The following PPFIA2 variants were observed in gnomAD, a reference collection of about 807,000 sequenced individuals.
PPFIA2 encodes liprin-alpha-2.
In PPFIA2, 46 loss-of-function variants were observed where a neutral mutation model predicts 175.5. That is an observed-to-expected ratio of 0.26 (90% confidence interval 0.21 to 0.34). The LOEUF (loss-of-function observed/expected upper bound fraction) is 0.34. Ranked by LOEUF, PPFIA2 falls within the 10% of genes least tolerant of loss-of-function variation. The pLI is 1.00. For synonymous variants in PPFIA2, 568 were observed against 511.4 expected, an observed-to-expected ratio of 1.11 and a Z score of -1.49; for missense variants, 1,179 against 1,506.1, an observed-to-expected ratio of 0.78 and a Z score of 3.60.
intron 4 of PPFIA2, among the ~76,000 whole-genome samples, chr12:81,567,053 T>C (rs1163332348): frequency 1.3e-5 from 2 of 152,224 alleles, no homozygotes; most frequent in Non-Finnish European, 1.5e-5. Context: ...TGGGAGAAAC[T>C]TTCTTTTTCT....
At position 81,627,327 on chromosome 12, in the gene PPFIA2, G is replaced by A. The variant is rs188079018; in HGVS notation, c.303+49464C>T. 4.1e-3 allele frequency among the ~76,000 whole-genome samples: 621 copies of A among 152,082 alleles called. 3 individuals are homozygous for A. Among genetic ancestry groups the A allele is most frequent in the African/African-American group, 0.014 (581 of 41,512 alleles). The stretch of plus-strand genomic sequence containing the variant: ...ACACAAATAAATGATAAATGTTTGA[G>A]GTTATGGATTTCCCAGTTAGCCTGA... On this transcript the variant is annotated intron_variant, in intron 4 of 32. Coordinates refer to ENST00000549396, the MANE Select transcript of PPFIA2 (RefSeq NM_003625.5).
intron 8 of PPFIA2, among the ~76,000 whole-genome samples, chr12:81,386,443 G>C (rs1326845927): frequency 2.6e-5 from 4 of 151,614 alleles, no homozygotes; most frequent in African/African-American, 9.7e-5. Context: ...GGGCAACATG[G>C]GGAGACTCCA....
At chr12:81,530,932 T>C (rs891742136) in intron 4 of PPFIA2, among the ~76,000 whole-genome samples, 1 of 151,952 alleles carries the variant, frequency 6.6e-6, no homozygotes, top group South Asian at 2.1e-4. Flanking sequence ...ACTATGTTTG[T>C]ATGCAGTATT....
chr12:81,294,657 G>A (rs553151503), intron 24 of PPFIA2, 178 bp downstream of exon 24: 22 of 634,968 alleles, frequency 3.5e-5, no homozygotes, highest in African/African-American at 3.1e-4. Context: ...ATGAATCATA[G>A]TTCCTCATTT....
At chr12:81,755,115 A>G (rs1482892971) in intron 2 of PPFIA2, among the ~76,000 whole-genome samples, 3 of 152,216 alleles carry the variant, frequency 2.0e-5, no homozygotes. Flanking sequence ...TAGCTAATGT[A>G]GTAACTTCAC....
At position 81,578,367 on chromosome 12, in the gene PPFIA2, C is replaced by T. The variant is rs911092036; in HGVS notation, c.303+98424G>A. On this transcript the variant is annotated intron_variant, in intron 4 of 32. Transcript: ENST00000549396. The stretch of plus-strand genomic sequence containing the variant: ...CAACCAAATTAGGTATTATTATTAT[C>T]ATCATCATCACCATCACCATAATGA... Among the ~76,000 whole-genome samples, 8 of 151,746 alleles carry T rather than the reference C, an allele frequency of 5.3e-5. No individual in the cohort carries two copies. The South Asian group carries it at 8.3e-4, about 16-fold the overall frequency.
intron 4 of PPFIA2, among the ~76,000 whole-genome samples, chr12:81,596,211 T>A (rs1328968772): frequency 6.6e-6 from 1 of 151,774 alleles, no homozygotes; most frequent in Non-Finnish European, 1.5e-5. Flanking sequence ...ATCATTTAAT[T>A]CTTTCTTTTG....
chr12:81,532,580 T>A (rs533282992), intron 4 of PPFIA2, among the ~76,000 whole-genome samples: 68 of 151,946 alleles, frequency 4.5e-4, no homozygotes, highest in Non-Finnish European at 8.6e-4. Context: ...GATAAAATAC[T>A]ATACAGTTAG....
At chr12:81,565,278 A>G (rs528597946) in intron 4 of PPFIA2, among the ~76,000 whole-genome samples, 14 of 152,148 alleles carry the variant, frequency 9.2e-5, no homozygotes, top group African/African-American at 2.9e-4. Context: ...AGCCACCCCC[A>G]ACACTCCTGT....
chr12:81,490,505 C>T (rs912021928), intron 4 of PPFIA2, among the ~76,000 whole-genome samples: 2 of 151,812 alleles, frequency 1.3e-5, no homozygotes, highest in African/African-American at 4.8e-5. Flanking sequence ...TGAGAAAATG[C>T]AAAAATAAGA....
chr12:81,611,473 AG>A (rs1462784158), intron 4 of PPFIA2, among the ~76,000 whole-genome samples: 1 of 152,096 alleles, frequency 6.6e-6, no homozygotes. Context: ...TAGCTGTGCC[AG>A]GGTGTCTGTT....
At chr12:81,363,049 T>A (rs777774142) in intron 14 of PPFIA2, among the ~76,000 whole-genome samples, 7 of 151,580 alleles carry the variant, frequency 4.6e-5, no homozygotes, top group Non-Finnish European at 1.0e-4. Flanking sequence ...AAATTATGAC[T>A]AGCTATGTAG....
At chr12:81,612,760 T>C (rs2061051069) in intron 4 of PPFIA2, among the ~76,000 whole-genome samples, 1 of 152,224 alleles carries the variant, frequency 6.6e-6, no homozygotes, top group South Asian at 2.1e-4. Flanking sequence ...TTTCATAAAA[T>C]ATGTATATGA....
intron 28 of PPFIA2, among the ~76,000 whole-genome samples, chr12:81,276,180 T>C (rs931993390): frequency 6.6e-6 from 1 of 152,160 alleles, no homozygotes; most frequent in Non-Finnish European, 1.5e-5. Flanking sequence ...CAAAGTCAAA[T>C]ACCTCATGCT....
intron 22 of PPFIA2, among the ~76,000 whole-genome samples, chr12:81,314,774 C>T (rs1050007357): frequency 4.0e-5 from 6 of 151,734 alleles, no homozygotes; most frequent in African/African-American, 1.5e-4. Context: ...TTGTAAAGTT[C>T]AAGTTGGTGA....
At chr12:81,636,242 T>G (rs1030194584) in intron 4 of PPFIA2, among the ~76,000 whole-genome samples, 1 of 151,828 alleles carries the variant, frequency 6.6e-6, no homozygotes, top group Non-Finnish European at 1.5e-5. Flanking sequence ...TAAATCTGAT[T>G]GTATCAATCA....
intron 11 of PPFIA2, among the ~76,000 whole-genome samples, chr12:81,371,473 G>A (rs1310843174): frequency 6.6e-6 from 1 of 151,606 alleles, no homozygotes; most frequent in Non-Finnish European, 1.5e-5. Context: ...TATTTCAGCT[G>A]CCAAAACTGT....
At chr12:81,276,031 G>T (rs1163994033) in intron 28 of PPFIA2, among the ~76,000 whole-genome samples, 2 of 152,034 alleles carry the variant, frequency 1.3e-5, no homozygotes, top group Non-Finnish European at 2.9e-5. Flanking sequence ...TGATCCGCCC[G>T]CCTCGGCCTC....
chr12:81,676,044 G>T (rs573515450), intron 4 of PPFIA2, among the ~76,000 whole-genome samples: 9 of 152,004 alleles, frequency 5.9e-5, no homozygotes, highest in Non-Finnish European at 1.5e-5. Flanking sequence ...CCTATGTGAA[G>T]AACAGCTAAA....
Sources: allele counts gnomAD v4.1 joint callset (sites outside exome capture counted in the v4.1 genomes callset), GRCh38; gene constraint gnomAD v4.1.1; transcripts MANE v1.5; gene names NCBI Gene and HGNC (gene_info 2026-07-23, HGNC 2026-07-21).